ACVR1C: variants seen among roughly 807,000 people sequenced by gnomAD.
ACVR1C encodes the protein activin A receptor type 1C.
A neutral mutation model predicts 57.9 loss-of-function variants in ACVR1C; 23 were observed. The observed-to-expected ratio is 0.40, with a 90% confidence interval of 0.29 to 0.56. The LOEUF is 0.56. ACVR1C is among the 20% of genes least tolerant of loss of function. The pLI is 0.50. For synonymous variants in ACVR1C, 214 were observed against 215.3 expected, an observed-to-expected ratio of 0.99 and a Z score of 0.05; for missense variants, 480 against 607.9, an observed-to-expected ratio of 0.79 and a Z score of 2.21.
intron 1 of ACVR1C, among the ~76,000 whole-genome samples, chr2:157,622,811 G>C (rs1459357472): frequency 2.0e-5 from 3 of 151,958 alleles, no homozygotes; most frequent in Non-Finnish European, 4.4e-5. Flanking sequence ...TCAACAAAGT[G>C]AAAAGACAAT....
At chr2:157,592,878 T>C (rs1689078401) in intron 1 of ACVR1C, among the ~76,000 whole-genome samples, 2 of 152,152 alleles carry the variant, frequency 1.3e-5, no homozygotes, top group Non-Finnish European at 2.9e-5. Context: ...TCTTGTCTCA[T>C]GTTTATTTTA....
Position 157,628,731 on chromosome 2 carries a change from G to T in ACVR1C, c.-87C>A. Reference sequence around the variant, plus strand: ...GCACGGCCCGCTTTGAAGTTCCCGGGCCGCGGGAGGGGAGCGCGGCACCGA... The same window carrying T: ...GCACGGCCCGCTTTGAAGTTCCCGGTCCGCGGGAGGGGAGCGCGGCACCGA... On this transcript the variant is annotated 5_prime_UTR_variant, in exon 1 of 9. Transcript: ENST00000243349. 1.6e-6 allele frequency: 2 copies of T among 1,212,178 alleles called. No homozygotes were observed. The highest frequency in any genetic ancestry group is 1.6e-5 in the South Asian group (1 of 60,964). The allele number at this position is 1,212,178 out of a possible 1,614,324, so 75.1% of individuals were successfully genotyped here.
Position 157,628,593 on chromosome 2 carries a change from C to T in ACVR1C, c.52G>A (p.Ala18Thr). The change falls in exon 1 of 9, where the codon GCG becomes ACG. Residue 18 changes from alanine to threonine, a missense_variant. Ala to Thr is a moderately conservative substitution (Grantham distance 58). Transcript: ENST00000243349. ...ALRQALLLLAAAAELSPGLKC... is the reference protein window; with the variant it reads ...ALRQALLLLATAAELSPGLKC... ...GTACCTGGCGAGAGCTCGGCGGCCG[C>T]TGCGAGCAGCAGGAGAGCCTGGCGG... 1 of 1,607,364 alleles carries T rather than the reference C, an allele frequency of 6.2e-7. No homozygotes were observed. Among genetic ancestry groups the T allele is most frequent in the South Asian group, 1.1e-5 (1 of 90,298 alleles).
rs904244205 is a variant in ACVR1C, at chr2:157,628,728, C to G, written c.-84G>C. On this transcript the variant is annotated 5_prime_UTR_variant, in exon 1 of 9. Coordinates refer to ENST00000243349, the MANE Select transcript of ACVR1C (RefSeq NM_145259.3). ...GCAGCACGGCCCGCTTTGAAGTTCC[C>G]GGGCCGCGGGAGGGGAGCGCGGCAC... The G allele has an allele frequency of 1.0e-5, 13 of 1,253,856 alleles. No individual in the cohort carries two copies. In the African/African-American group the frequency reaches 1.4e-4, roughly 14 times the overall value. The allele number at this position is 1,253,856 out of a possible 1,614,324, so 77.7% of individuals were successfully genotyped here.
At chr2:157,579,711 G>A (rs1259504684) in intron 2 of ACVR1C, among the ~76,000 whole-genome samples, 5 of 152,134 alleles carry the variant, frequency 3.3e-5, no homozygotes, top group African/African-American at 1.2e-4. Flanking sequence ...TATGGAAGTA[G>A]GCTGGTGACA....
chr2:157,559,099 G>A (rs1239692894), intron 2 of ACVR1C, among the ~76,000 whole-genome samples: 1 of 152,126 alleles, frequency 6.6e-6, no homozygotes, highest in Non-Finnish European at 1.5e-5. Context: ...ATTAGGCAGA[G>A]CTCAGATCAT....
chr2:157,545,799 G>GTCGC, intron 4 of ACVR1C, among the ~76,000 whole-genome samples: 1 of 152,060 alleles, frequency 6.6e-6, no homozygotes, highest in African/African-American at 2.4e-5. Flanking sequence ...TTTTGAGACA[G>GTCGC]CATGTCGCTC....
intron 2 of ACVR1C, among the ~76,000 whole-genome samples, chr2:157,562,250 G>A (rs544688877): frequency 4.7e-5 from 7 of 149,638 alleles, no homozygotes; most frequent in South Asian, 2.1e-4. Context: ...AGCTGAAATC[G>A]CGCCACTGCA....
chr2:157,566,666 G>A (rs1275181787), intron 2 of ACVR1C, among the ~76,000 whole-genome samples: 2 of 151,622 alleles, frequency 1.3e-5, no homozygotes, highest in Admixed American at 6.6e-5. Context: ...CTTAAGAAAC[G>A]GCGCACCACG....
rs551896741 is a variant in ACVR1C, at chr2:157,554,205, A to G, written c.544+1888T>C. Reference sequence around the variant, plus strand: ...AAAAAAAAAAAATAAAGAAGAGAGAAAGAAAGAAAGAAAGAAAGAAAGAAA... The same window carrying G: ...AAAAAAAAAAAATAAAGAAGAGAGAGAGAAAGAAAGAAAGAAAGAAAGAAA... On this transcript the variant is annotated intron_variant, in intron 3 of 8. Coordinates refer to ENST00000243349, the MANE Select transcript of ACVR1C (RefSeq NM_145259.3). 4.9e-3 allele frequency among the ~76,000 whole-genome samples: 335 copies of G among 68,686 alleles called. 1 individual carries two copies. The highest frequency in any genetic ancestry group is 0.024 in the African/African-American group (317 of 12,966). The allele number at this position is 68,686 out of a possible 152,430, so 45.1% of individuals were successfully genotyped here.
intron 4 of ACVR1C, among the ~76,000 whole-genome samples, chr2:157,547,072 G>GT (rs1687777529): frequency 7.3e-6 from 1 of 137,712 alleles, no homozygotes. Context: ...GCGGTGTTTG[G>GT]TTTTTTGTTC....
At chr2:157,604,906 C>A (rs1273583407) in intron 1 of ACVR1C, among the ~76,000 whole-genome samples, 4 of 151,784 alleles carry the variant, frequency 2.6e-5, no homozygotes, top group Non-Finnish European at 5.9e-5. Context: ...TTGATGAAGT[C>A]TAATTTATTC....
chr2:157,564,928 G>C (rs993471044), intron 2 of ACVR1C, among the ~76,000 whole-genome samples: 2 of 152,064 alleles, frequency 1.3e-5, no homozygotes, highest in African/African-American at 4.8e-5. Flanking sequence ...GACACTGGGA[G>C]GGGAACACAC....
chr2:157,589,180 T>C (rs1170805880), intron 1 of ACVR1C, among the ~76,000 whole-genome samples: 1 of 151,834 alleles, frequency 6.6e-6, no homozygotes. Flanking sequence ...TTTCACCATA[T>C]CCACACCAAA....
At chr2:157,557,791 A>G (rs1424341623) in intron 2 of ACVR1C, among the ~76,000 whole-genome samples, 1 of 152,218 alleles carries the variant, frequency 6.6e-6, no homozygotes, top group Non-Finnish European at 1.5e-5. Context: ...TTAAAAACAC[A>G]TGAAGCCAAT....
At chr2:157,614,722 T>A (rs997819417) in intron 1 of ACVR1C, among the ~76,000 whole-genome samples, 1 of 152,228 alleles carries the variant, frequency 6.6e-6, no homozygotes, top group African/African-American at 2.4e-5. Context: ...GTCAGTGAAG[T>A]GATATTTCTA....
chr2:157,628,800 C>T lies in ACVR1C; in HGVS notation c.-156G>A, dbSNP rs1682965261. 2.0e-6 allele frequency: 1 copy of T among 500,418 alleles called. No homozygotes were observed. The highest frequency in any genetic ancestry group is 3.2e-6 in the Non-Finnish European group (1 of 309,146). 31.0% of individuals were successfully genotyped at this position (500,418 alleles called of 1,614,324 possible). A position where few individuals can be genotyped will look rare whatever the true frequency, so the allele number is the denominator to read the frequency against. On this transcript the variant is annotated 5_prime_UTR_variant, in exon 1 of 9. Coordinates refer to ENST00000243349, the MANE Select transcript of ACVR1C (RefSeq NM_145259.3). ...GGTTGGCTCTAGTCAGTGTGGGCGC[C>T]CCCCTCCCCGGCCGCCCCCATCCCA... is the stretch of plus-strand genomic sequence containing the variant.
intron 2 of ACVR1C, among the ~76,000 whole-genome samples, chr2:157,559,719 T>C (rs1688191729): frequency 6.6e-6 from 1 of 152,052 alleles, no homozygotes; most frequent in African/African-American, 2.4e-5. Flanking sequence ...CTTAGAAAAT[T>C]AGATTGAAGA....
intron 8 of ACVR1C, 42 bp downstream of exon 8, chr2:157,538,531 A>C: frequency 6.7e-7 from 1 of 1,496,116 alleles, no homozygotes; most frequent in Non-Finnish European, 8.9e-7. Flanking sequence ...TACTCACCTC[A>C]AAAATATAAT....
Sources: gnomAD v4.1 joint callset for allele counts (sites outside exome capture counted in the v4.1 genomes callset) on GRCh38, gnomAD v4.1.1 for gene constraint, MANE v1.5 for transcripts, NCBI Gene and HGNC (gene_info 2026-07-23, HGNC 2026-07-21) for gene names.